SYNPR: variants seen among roughly 807,000 people sequenced by gnomAD.
SYNPR encodes synaptoporin.
SYNPR carries 23 observed loss-of-function variants against 32.9 expected under a neutral mutation model. That is an observed-to-expected ratio of 0.70 (90% CI 0.50 to 0.99). The LOEUF (loss-of-function observed/expected upper bound fraction) is 0.99, where lower values mean the gene tolerates loss of function less well. SYNPR is among the 50% of genes least tolerant of loss of function. SYNPR has a pLI of 0.00. For missense variants in SYNPR, 318 were observed against 349.3 expected, an observed-to-expected ratio of 0.91 and a Z score of 0.71; for synonymous variants, 146 against 135.9, an observed-to-expected ratio of 1.07 and a Z score of -0.52.
At chr3:63,385,836 T>G (rs571786803) in intron 2 of SYNPR, among the ~76,000 whole-genome samples, 1 of 152,186 alleles carries the variant, frequency 6.6e-6, no homozygotes, top group Non-Finnish European at 1.5e-5. Flanking sequence ...GCTCTTTATG[T>G]AACACATACC....
At chr3:63,356,865 A>G (rs1236290188) in intron 2 of SYNPR, among the ~76,000 whole-genome samples, 5 of 152,244 alleles carry the variant, frequency 3.3e-5, no homozygotes, top group Non-Finnish European at 7.3e-5. Context: ...AATATATGTG[A>G]GCAAATCTGA....
At position 63,615,443 on chromosome 3, in the gene SYNPR, C is replaced by G. The variant is rs780926628; in HGVS notation, c.820C>G (p.Gln274Glu). 2 of 1,613,988 alleles carry G rather than the reference C, an allele frequency of 1.2e-6. No individual in the cohort carries two copies. Among genetic ancestry groups the G allele is most frequent in the Non-Finnish European group, 8.5e-7 (1 of 1,179,888 alleles). ...GCCAACCTCAGATGAGTTTGGCCAA[C>G]AGCCTACTGGCCCCACTTCCTTTAC... is the stretch of plus-strand genomic sequence containing the variant. ...LGPTSDEFGQQPTGPTSFTNQ... is the reference protein window; with the variant it reads ...LGPTSDEFGQEPTGPTSFTNQ... Residue 274 changes from glutamine (Q) to glutamate (E), a missense_variant, in exon 6 of 6, where the codon CAG becomes GAG. Gln to Glu is a conservative substitution (Grantham distance 29). Coordinates refer to ENST00000478300, the MANE Select transcript of SYNPR (RefSeq NM_001130003.2).
intron 3 of SYNPR, 43 bp downstream of exon 3, chr3:63,480,999 ATTTC>A: frequency 6.3e-7 from 1 of 1,584,578 alleles, no homozygotes; most frequent in Non-Finnish European, 8.6e-7. Context: ...ACAGGGGGTT[ATTTC>A]TTTCTTCTGT....
In SYNPR at chr3:63,379,996, G is replaced by A. The variant is rs532753517; in HGVS notation, c.85-100836G>A. Among the ~76,000 whole-genome samples the A allele has an allele frequency of 2.8e-4, 42 of 152,174 alleles. No individual in the cohort carries two copies. The South Asian group carries it at 7.9e-3, about 29-fold the overall frequency. ...AATGATGGTTTCCAGCTTCATCCACGTCCCTGCAAAGGACATGAACTCATC... is the reference window on the plus strand; with the variant it reads ...AATGATGGTTTCCAGCTTCATCCACATCCCTGCAAAGGACATGAACTCATC... On this transcript the variant is annotated intron_variant, in intron 2 of 5. Transcript: ENST00000478300.
intron 2 of SYNPR, among the ~76,000 whole-genome samples, chr3:63,306,878 A>G (rs982693040): frequency 4.6e-5 from 7 of 151,896 alleles, no homozygotes; most frequent in South Asian, 2.1e-4. Flanking sequence ...TTTTTTTTCA[A>G]CTGTCATCTT....
chr3:63,403,074 G>A (rs2088313288), intron 2 of SYNPR, among the ~76,000 whole-genome samples: 1 of 152,168 alleles, frequency 6.6e-6, no homozygotes, highest in African/African-American at 2.4e-5. Flanking sequence ...TGTGTCAATA[G>A]TTTACTTCTT....
chr3:63,584,316 G>C (rs1371047260), intron 4 of SYNPR, among the ~76,000 whole-genome samples: 2 of 152,086 alleles, frequency 1.3e-5, no homozygotes, highest in African/African-American at 4.8e-5. Flanking sequence ...CACTGTAAAT[G>C]TTAATGTGCA....
chr3:63,404,909 G>A (rs2088339608), intron 2 of SYNPR, among the ~76,000 whole-genome samples: 2 of 152,248 alleles, frequency 1.3e-5, no homozygotes, highest in Admixed American at 6.5e-5. Flanking sequence ...TCTACAGAAG[G>A]GAGTGGCATT....
chr3:63,371,285 A>C (rs34395077), intron 2 of SYNPR, among the ~76,000 whole-genome samples: 20,516 of 151,680 alleles, frequency 0.14, 2,139 homozygotes, highest in East Asian at 0.57. Context: ...GGAGTCTGGT[A>C]AGAGAAGTCA....
chr3:63,391,070 T>C (rs1318784781), intron 2 of SYNPR, among the ~76,000 whole-genome samples: 1 of 152,210 alleles, frequency 6.6e-6, no homozygotes, highest in Non-Finnish European at 1.5e-5. Flanking sequence ...ATGACTCAAT[T>C]CCTTCTTAAT....
At chr3:63,371,468 C>G (rs1409766503) in intron 2 of SYNPR, among the ~76,000 whole-genome samples, 1 of 152,246 alleles carries the variant, frequency 6.6e-6, no homozygotes, top group Non-Finnish European at 1.5e-5. Context: ...GGATAAGGCC[C>G]ACTGGCCTGG....
chr3:63,314,268 G>A (rs1048273623), intron 2 of SYNPR, among the ~76,000 whole-genome samples: 1 of 150,720 alleles, frequency 6.6e-6, no homozygotes, highest in Non-Finnish European at 1.5e-5. Flanking sequence ...CCAAATGGTA[G>A]TTCAGTTCTT....
At chr3:63,580,722 C>T (rs1024430070) in intron 4 of SYNPR, among the ~76,000 whole-genome samples, 3 of 152,130 alleles carry the variant, frequency 2.0e-5, no homozygotes, top group East Asian at 1.9e-4. Context: ...TTCTGTCACT[C>T]GTGATCTGCT....
At chr3:63,397,324 T>A (rs760808721) in intron 2 of SYNPR, among the ~76,000 whole-genome samples, 2 of 152,206 alleles carry the variant, frequency 1.3e-5, no homozygotes, top group Non-Finnish European at 2.9e-5. Context: ...TGGTAGTTTT[T>A]AAACTTTGTT....
At chr3:63,335,911 GGGTTACA>G (rs1198448614) in intron 2 of SYNPR, among the ~76,000 whole-genome samples, 4 of 151,714 alleles carry the variant, frequency 2.6e-5, no homozygotes, top group African/African-American at 9.7e-5. Flanking sequence ...CCAGTAGCTG[GGGTTACA>G]GGCATGTGCC....
the SYNPR span, among the ~76,000 whole-genome samples, chr3:63,218,271 C>T: frequency 6.6e-6 from 1 of 152,206 alleles, no homozygotes; most frequent in East Asian, 1.9e-4. Flanking sequence ...CACTGGCAGT[C>T]AATATAATCC....
At chr3:63,356,817 T>A (rs972203007) in intron 2 of SYNPR, among the ~76,000 whole-genome samples, 1 of 152,234 alleles carries the variant, frequency 6.6e-6, no homozygotes, top group Non-Finnish European at 1.5e-5. Flanking sequence ...GAAGAATTTT[T>A]CTCAACGATG....
intron 2 of SYNPR, among the ~76,000 whole-genome samples, chr3:63,314,866 T>G (rs563651784): frequency 6.6e-6 from 1 of 152,028 alleles, no homozygotes; most frequent in African/African-American, 2.4e-5. Context: ...AGGTCTTAGG[T>G]TTGAGTCCTA....
At chr3:63,528,727 A>T (rs1460393880) in intron 3 of SYNPR, among the ~76,000 whole-genome samples, 3 of 152,146 alleles carry the variant, frequency 2.0e-5, no homozygotes, top group African/African-American at 7.2e-5. Flanking sequence ...CCACAAACAT[A>T]TAAGCACCAC....
Sources: allele counts gnomAD v4.1 joint callset (sites outside exome capture counted in the v4.1 genomes callset), GRCh38; gene constraint gnomAD v4.1.1; transcripts MANE v1.5; gene names NCBI Gene and HGNC (gene_info 2026-07-23, HGNC 2026-07-21).